RAF1: variants seen among roughly 807,000 people sequenced by gnomAD.
The protein encoded by RAF1 is Raf-1 proto-oncogene, serine/threonine kinase, also known as RAF proto-oncogene serine/threonine-protein kinase.
In RAF1, 27 loss-of-function variants were observed where a neutral mutation model predicts 81.1. That is an observed-to-expected ratio of 0.33 (90% CI 0.25 to 0.46). The LOEUF (loss-of-function observed/expected upper bound fraction) is 0.46, where lower values mean the gene tolerates loss of function less well. RAF1 is among the 20% of genes least tolerant of loss of function. The probability of loss-of-function intolerance (pLI) is 1.00; values close to 1 mark genes in which losing one functional copy is unlikely to be tolerated. For missense variants in RAF1, 598 were observed against 826.0 expected (o/e 0.72, Z 3.38); for synonymous variants, 298 against 294.0 (o/e 1.01, Z -0.14).
At chr3:12,654,060 T>C (rs767253224) in intron 1 of RAF1, among the ~76,000 whole-genome samples, 2 of 151,616 alleles carry the variant, frequency 1.3e-5, no homozygotes, top group Admixed American at 6.6e-5. Flanking sequence ...GGCACAATCA[T>C]AGCTTATTGC....
chr3:12,638,991 A>T (rs1479597873), intron 1 of RAF1, among the ~76,000 whole-genome samples: 3 of 145,988 alleles, frequency 2.1e-5, no homozygotes, highest in Non-Finnish European at 4.5e-5. Context: ...CTTGCATCCC[A>T]GGGATGAAGC....
chr3:12,637,802 G>A (rs979917824), intron 1 of RAF1, among the ~76,000 whole-genome samples: 5 of 151,926 alleles, frequency 3.3e-5, no homozygotes, highest in African/African-American at 1.2e-4. Flanking sequence ...GCAGTGAGCC[G>A]AAATTGCACT....
At chr3:12,635,513 G>A (rs906325646) in intron 1 of RAF1, among the ~76,000 whole-genome samples, 1 of 151,170 alleles carries the variant, frequency 6.6e-6, no homozygotes, top group African/African-American at 2.4e-5. Flanking sequence ...GAACACATCT[G>A]TAATCCCAGC....
intron 3 of RAF1, among the ~76,000 whole-genome samples, chr3:12,610,747 T>A (rs1415910381): frequency 6.6e-6 from 1 of 152,196 alleles, no homozygotes; most frequent in Non-Finnish European, 1.5e-5. Flanking sequence ...ATAACATAAG[T>A]GACGCTTTCC....
At chr3:12,649,456 G>A (rs2060452839) in intron 1 of RAF1, among the ~76,000 whole-genome samples, 1 of 151,964 alleles carries the variant, frequency 6.6e-6, no homozygotes. Context: ...AAAATTAGCT[G>A]GGCATGGTGA....
At chr3:12,625,970 TA>T (rs879315827) in intron 1 of RAF1, among the ~76,000 whole-genome samples, 13 of 147,392 alleles carry the variant, frequency 8.8e-5, no homozygotes, top group East Asian at 2.0e-4. Flanking sequence ...AGATAAGCAT[TA>T]AAAAAAAAAG....
At chr3:12,590,594 G>A in intron 13 of RAF1, 2 of 605,296 alleles carry the variant, frequency 3.3e-6, no homozygotes, top group Non-Finnish European at 5.9e-6. Flanking sequence ...CCAAAGTGCT[G>A]GGATTACAGG....
chr3:12,649,189 C>CA (rs1376044521), intron 1 of RAF1, among the ~76,000 whole-genome samples: 1 of 152,180 alleles, frequency 6.6e-6, no homozygotes, highest in East Asian at 1.9e-4. Context: ...TAAACTTTAA[C>CA]AACTTCTAAG....
chr3:12,628,146 C>G (rs1278118051), intron 1 of RAF1, among the ~76,000 whole-genome samples: 1 of 152,196 alleles, frequency 6.6e-6, no homozygotes, highest in Non-Finnish European at 1.5e-5. Context: ...AAAACTATTT[C>G]TACATTCAAG....
chr3:12,598,744 AAAAAAAAAAC>A (rs1225888093), intron 11 of RAF1, among the ~76,000 whole-genome samples: 6 of 149,640 alleles, frequency 4.0e-5, no homozygotes, highest in Non-Finnish European at 8.9e-5. Flanking sequence ...AAAAAAAAAA[AAAAAAAAAAC>A]CACCAAGTAC....
intron 11 of RAF1, among the ~76,000 whole-genome samples, chr3:12,596,074 T>C (rs1457156770): frequency 2.0e-5 from 3 of 151,976 alleles, no homozygotes; most frequent in South Asian, 2.1e-4. Context: ...GGTCTCACTA[T>C]GTTGTCCAGG....
At chr3:12,651,474 T>A (rs527435330) in intron 1 of RAF1, among the ~76,000 whole-genome samples, 2 of 146,990 alleles carry the variant, frequency 1.4e-5, no homozygotes, top group African/African-American at 2.5e-5. Context: ...TCTCTACTAA[T>A]ACAAAAAAAA....
At chr3:12,650,868 T>G (rs2060502315) in intron 1 of RAF1, among the ~76,000 whole-genome samples, 7 of 152,186 alleles carry the variant, frequency 4.6e-5, no homozygotes, top group Admixed American at 4.6e-4. Context: ...TGTGGTAAGG[T>G]CACTTCTAGC....
At chr3:12,615,282 G>A (rs1343731898) in intron 2 of RAF1, among the ~76,000 whole-genome samples, 1 of 152,168 alleles carries the variant, frequency 6.6e-6, no homozygotes, top group Non-Finnish European at 1.5e-5. Flanking sequence ...GCAGGAGGAA[G>A]TCAAAGAGGC....
chr3:12,609,783 A>G (rs1177078525), intron 3 of RAF1, among the ~76,000 whole-genome samples: 3 of 152,166 alleles, frequency 2.0e-5, no homozygotes, highest in African/African-American at 7.2e-5. Context: ...GTCTGGCCAG[A>G]ATAAAGTTTT....
intron 1 of RAF1, among the ~76,000 whole-genome samples, chr3:12,626,747 G>C (rs1345866274): frequency 6.6e-6 from 1 of 151,924 alleles, no homozygotes; most frequent in Non-Finnish European, 1.5e-5. Context: ...AACTTCGCCA[G>C]GCGGGGTGGC....
chr3:12,600,284 A>G lies in RAF1; in HGVS notation c.923-5T>C. ...TGGACAGGGCTGAAGGTGAGGCTTAATAGACAAGACAAACAGAAGCCACAC... is the reference window on the plus strand; with the variant it reads ...TGGACAGGGCTGAAGGTGAGGCTTAGTAGACAAGACAAACAGAAGCCACAC... On this transcript the variant is annotated splice_polypyrimidine_tract_variant and splice_region_variant and intron_variant, in intron 9 of 17. Transcript: ENST00000442415. 2 of 1,614,242 alleles carry G rather than the reference A, an allele frequency of 1.2e-6. No homozygotes were observed. The highest frequency in any genetic ancestry group is 8.5e-7 in the Non-Finnish European group (1 of 1,180,048).
At chr3:12,601,845 C>G (rs968252140) in intron 8 of RAF1, among the ~76,000 whole-genome samples, 1 of 152,032 alleles carries the variant, frequency 6.6e-6, no homozygotes, top group Non-Finnish European at 1.5e-5. Context: ...ACCCCTAATC[C>G]CCGACCCACG....
intron 11 of RAF1, among the ~76,000 whole-genome samples, chr3:12,594,482 G>C (rs866280418): frequency 8.5e-5 from 13 of 152,240 alleles, no homozygotes; most frequent in Non-Finnish European, 1.9e-4. Flanking sequence ...GCATGCTCTA[G>C]TTGTCACTGA....
Sources: allele counts gnomAD v4.1 joint callset (sites outside exome capture counted in the v4.1 genomes callset), GRCh38; gene constraint gnomAD v4.1.1; transcripts MANE v1.5; gene names NCBI Gene and HGNC (gene_info 2026-07-23, HGNC 2026-07-21).